Variants in MYO7B observed in about 807,000 individuals in gnomAD.
The protein encoded by MYO7B is unconventional myosin-VIIb.
In MYO7B, 212 loss-of-function variants were observed where a neutral mutation model predicts 259.7. The ratio of observed to expected loss-of-function variants is 0.82; its 90% CI spans 0.73 to 0.91. The LOEUF is 0.91. MYO7B is among the 40% of genes least tolerant of loss of function. The pLI is 0.00. For synonymous variants in MYO7B, 1,197 were observed against 1,166.4 expected, an observed-to-expected ratio of 1.03 and a Z score of -0.54; for missense variants, 2,732 against 2,813.5, an observed-to-expected ratio of 0.97 and a Z score of 0.66.
chr2:127,624,477 C>T (rs1293650466), intron 30 of MYO7B, among the ~76,000 whole-genome samples, 157 bp downstream of exon 30: 4 of 152,160 alleles, frequency 2.6e-5, no homozygotes, highest in South Asian at 4.1e-4. Context: ...GCCTCTGTTT[C>T]CTCCTCCCTT....
rs766688222 is a variant in MYO7B, at chr2:127,605,866, C to A, written c.2362C>A (p.Arg788=). Residue 788 remains arginine, a synonymous_variant, in exon 20 of 48, where the codon CGG becomes AGG. Coordinates refer to ENST00000409816, the MANE Select transcript of MYO7B (RefSeq NM_001393586.1). ...TAGGAAGGAGTTCCTGAGGCAGAGG[C>A]GGGCAGCTGTGACCCTGCAGGCCTG... ...RYRKEFLRQR[R]AAVTLQAWWR... 2 of 1,613,552 alleles carry A rather than the reference C, an allele frequency of 1.2e-6. No homozygotes were observed. Among genetic ancestry groups the A allele is most frequent in the African/African-American group, 1.3e-5 (1 of 74,914 alleles).
At chr2:127,575,457 A>T (rs1162100581) in intron 7 of MYO7B, among the ~76,000 whole-genome samples, 1 of 152,144 alleles carries the variant, frequency 6.6e-6, no homozygotes, top group East Asian at 1.9e-4. Context: ...AAATTACGGC[A>T]TATCTATACT....
rs533473487 is a variant in MYO7B, at chr2:127,595,619, T to G, written c.2245-843T>G. Among the ~76,000 whole-genome samples, 5 of 152,348 alleles carry G rather than the reference T, an allele frequency of 3.3e-5. No homozygotes were observed. The East Asian group carries it at 5.8e-4, about 18-fold the overall frequency. On this transcript the variant is annotated intron_variant, in intron 18 of 47. Coordinates refer to ENST00000409816, the MANE Select transcript of MYO7B (RefSeq NM_001393586.1). ...ATAAGGGCATTTAGTGCTATAACTTTCCCTCTTAACACTGCTTTAGCTGTG... is the reference window on the plus strand; with the variant it reads ...ATAAGGGCATTTAGTGCTATAACTTGCCCTCTTAACACTGCTTTAGCTGTG...
At position 127,609,392 on chromosome 2, in the gene MYO7B, G is replaced by A; in HGVS notation, c.2815-114G>A. 1.1e-6 allele frequency: 1 copy of A among 938,706 alleles called. No individual in the cohort carries two copies. The highest frequency in any genetic ancestry group is 1.6e-6 in the Non-Finnish European group (1 of 611,536). The allele number at this position is 938,706 out of a possible 1,614,324, so 58.1% of individuals were successfully genotyped here. On this transcript the variant is annotated intron_variant, in intron 22 of 47. Transcript: ENST00000409816. This position sits in a 1 kb window ranked among gnomAD's most constrained non-coding sequence, Gnocchi z 6.9. Reference sequence around the variant, plus strand: ...GGGATGGGTGGTCTCCAGCACCTGAGGGATCAGGGTAATGCAACAGCCCCC... The same window carrying A: ...GGGATGGGTGGTCTCCAGCACCTGAAGGATCAGGGTAATGCAACAGCCCCC...
intron 29 of MYO7B, 66 bp from the exon 30 acceptor site, chr2:127,624,027 G>C: frequency 7.0e-7 from 1 of 1,419,934 alleles, no homozygotes; most frequent in Non-Finnish European, 9.5e-7. Context: ...CACGCTGACG[G>C]TGGGCGTCCC....
At chr2:127,591,998 T>G (rs1679576348) in intron 16 of MYO7B, among the ~76,000 whole-genome samples, 1 of 152,234 alleles carries the variant, frequency 6.6e-6, no homozygotes, top group Non-Finnish European at 1.5e-5. Context: ...CTGAGTAGAT[T>G]TATTTTTTCA....
chr2:127,590,477 G>T lies in MYO7B; in HGVS notation c.1992+248G>T, dbSNP rs1177359819. 1.3e-5 allele frequency among the ~76,000 whole-genome samples: 2 copies of T among 152,248 alleles called. No individual in the cohort carries two copies. The highest frequency in any genetic ancestry group is 2.9e-5 in the Non-Finnish European group (2 of 68,046). ...GCCATGCATCTTCTGTGCGTTCTTG[G>T]CCTGGCTCTTTGCTGCTGTGAGCCT... On this transcript the variant is annotated intron_variant, in intron 16 of 47. Coordinates refer to ENST00000409816, the MANE Select transcript of MYO7B (RefSeq NM_001393586.1). The surrounding 1 kb of genome is among the most constrained non-coding windows in gnomAD (Gnocchi z 4.6).
intron 28 of MYO7B, 117 bp from the exon 29 acceptor site, chr2:127,623,085 C>T (rs1680917379): frequency 7.8e-7 from 1 of 1,283,252 alleles, no homozygotes; most frequent in Non-Finnish European, 1.1e-6. Flanking sequence ...CCTGGGAACC[C>T]ACGGGATGGC....
chr2:127,551,600 G>A (rs1693445737), intron 1 of MYO7B, among the ~76,000 whole-genome samples: 1 of 152,362 alleles, frequency 6.6e-6, no homozygotes, highest in South Asian at 2.1e-4. Context: ...ATGTGTCAAA[G>A]AATTTGGGGA....
Position 127,628,426 on chromosome 2 carries a change from GT to G in MYO7B, c.4518del (p.Phe1506LeufsTer20). On this transcript the variant is annotated frameshift_variant, in exon 34 of 48. Transcript: ENST00000409816. LOFTEE classifies it high-confidence loss of function. This position sits in a 1 kb window ranked among gnomAD's most constrained non-coding sequence, Gnocchi z 4.8. ...LLSTMHEEYE[F>X]VSPSSVAIAE... Reference sequence around the variant, plus strand: ...TCTCCACGATGCATGAGGAGTACGAGTTTGTGTCACCCAGCAGTGTGGCCAT... The same window carrying G: ...TCTCCACGATGCATGAGGAGTACGAGTTGTGTCACCCAGCAGTGTGGCCAT... The G allele has an allele frequency of 1.3e-6, 2 of 1,597,678 alleles. No homozygotes were observed. Among genetic ancestry groups the G allele is most frequent in the Non-Finnish European group, 1.7e-6 (2 of 1,173,806 alleles).
chr2:127,565,315 G>C lies in MYO7B; in HGVS notation c.215G>C (p.Arg72Pro). 1 of 1,614,042 alleles carries C rather than the reference G, an allele frequency of 6.2e-7. No homozygotes were observed. Among genetic ancestry groups the C allele is most frequent in the Non-Finnish European group, 8.5e-7 (1 of 1,179,884 alleles). The stretch of plus-strand genomic sequence containing the variant: ...GTCCAGGGTGTGGACGACATGATCC[G>C]CCTGGGGGACCTGAACGAGGCAGGC... Reference protein sequence around the residue: ...NSVQGVDDMIRLGDLNEAGMV... With the variant: ...NSVQGVDDMIPLGDLNEAGMV... The change falls in exon 4 of 48, where the codon CGC becomes CCC. Residue 72 changes from arginine to proline, a missense_variant. Physicochemically the swap from Arg to Pro is moderately radical, Grantham distance 103. Transcript: ENST00000409816.
chr2:127,570,475 G>T (rs990225305), intron 6 of MYO7B, among the ~76,000 whole-genome samples: 1 of 152,236 alleles, frequency 6.6e-6, no homozygotes, highest in African/African-American at 2.4e-5. Flanking sequence ...TCCTTAGAAG[G>T]CTCCTGGCTT....
chr2:127,539,683 A>T lies in MYO7B; in HGVS notation c.-24+3852A>T, dbSNP rs778291091. ...GACTTCCTTGAGGGCTATTTCTTTT[A>T]AAAAAAAAAACTCCATAGTTTTTAA... is the stretch of plus-strand genomic sequence containing the variant. On this transcript the variant is annotated intron_variant, in intron 1 of 47. Coordinates refer to ENST00000409816, the MANE Select transcript of MYO7B (RefSeq NM_001393586.1). This position sits in a 1 kb window ranked among gnomAD's most constrained non-coding sequence, Gnocchi z 4.0. Among the ~76,000 whole-genome samples, 25 of 101,602 alleles carry T rather than the reference A, an allele frequency of 2.5e-4. 1 individual carries two copies. The highest frequency in any genetic ancestry group is 6.3e-4 in the Admixed American group (7 of 11,106). 66.7% of individuals were successfully genotyped at this position (101,602 alleles called of 152,430 possible).
chr2:127,573,975 C>T lies in MYO7B; in HGVS notation c.648C>T (p.Tyr216=), dbSNP rs1374224848. ...ACAACTCAAGCCGCTTTGGGAAGTA[C>T]ATTGACATCTACTTTAACCCCAGCG... is the stretch of plus-strand genomic sequence containing the variant. ...RNDNSSRFGK[Y]IDIYFNPSGV... The change falls in exon 7 of 48, where the codon TAC becomes TAT. Residue 216 remains tyrosine (Y), a synonymous_variant. Transcript: ENST00000409816. 6.2e-7 allele frequency: 1 copy of T among 1,614,066 alleles called. No individual in the cohort carries two copies. The highest frequency in any genetic ancestry group is 8.5e-7 in the Non-Finnish European group (1 of 1,179,896).
intron 5 of MYO7B, among the ~76,000 whole-genome samples, chr2:127,568,427 T>A (rs1438018405): frequency 6.6e-6 from 1 of 152,148 alleles, no homozygotes; most frequent in Non-Finnish European, 1.5e-5. Context: ...TGTGGGCAAG[T>A]CCCCTTAAGC....
Position 127,632,286 on chromosome 2 carries a change from A to T in MYO7B, c.5290A>T (p.Thr1764Ser), listed in dbSNP as rs747979249. ...ERGWQLLWLCTGLFPPSKGLL... is the reference protein window; with the variant it reads ...ERGWQLLWLCSGLFPPSKGLL... ...GGGCTGGCAGCTGCTGTGGCTGTGC[A>T]CGGGCCTCTTCCCGCCCAGCAAGGG... Residue 1764 changes from threonine (T) to serine (S), a missense_variant, in exon 39 of 48, where the codon ACG becomes TCG. By Grantham distance (58) the Thr-to-Ser change is moderately conservative. Around this residue, in one of 3 missense-constraint regions of MYO7B, gnomAD observed 821 missense variants for 769.3 expected, o/e 1.07. Coordinates refer to ENST00000409816, the MANE Select transcript of MYO7B (RefSeq NM_001393586.1). 2 of 1,611,810 alleles carry T rather than the reference A, an allele frequency of 1.2e-6. No homozygotes were observed. The highest frequency in any genetic ancestry group is 1.7e-6 in the Non-Finnish European group (2 of 1,179,548).
chr2:127,574,988 A>G lies in MYO7B; in HGVS notation c.735+926A>G, dbSNP rs375853462. Among the ~76,000 whole-genome samples the G allele has an allele frequency of 5.1e-4, 77 of 152,330 alleles. No individual in the cohort carries two copies. The South Asian group carries it at 0.016, about 31-fold the overall frequency. ...TAAGGGGGTGCTCTCGTATGATGGC[A>G]TAACACCTAACACATGCATGTGTGC... On this transcript the variant is annotated intron_variant, in intron 7 of 47. Transcript: ENST00000409816.
chr2:127,541,032 A>C (rs1419840261), intron 1 of MYO7B, among the ~76,000 whole-genome samples: 1 of 152,220 alleles, frequency 6.6e-6, no homozygotes, highest in Non-Finnish European at 1.5e-5. Flanking sequence ...AATGTGGGAT[A>C]TCTCTCTCTA....
chr2:127,610,904 A>G (rs1204449427), intron 24 of MYO7B, among the ~76,000 whole-genome samples: 1 of 152,246 alleles, frequency 6.6e-6, no homozygotes, highest in Non-Finnish European at 1.5e-5. Flanking sequence ...AGAGTGTGTC[A>G]GATATCTGTA....
Sources: gnomAD v4.1 joint callset for allele counts (sites outside exome capture counted in the v4.1 genomes callset) on GRCh38, gnomAD v4.1.1 for gene constraint, gnomAD v4.1.1 regional missense constraint, Gnocchi (gnomAD v3.1) non-coding constraint, MANE v1.5 for transcripts, NCBI Gene and HGNC (gene_info 2026-07-23, HGNC 2026-07-21) for gene names.